The following SV2B variants were observed in gnomAD, a reference collection of about 807,000 sequenced individuals.
SV2B encodes solute carrier family 22 member B2.
SV2B carries 41 observed loss-of-function variants against 73.9 expected under a neutral mutation model. The observed-to-expected ratio is 0.56, with a 90% confidence interval of 0.43 to 0.72. The LOEUF (loss-of-function observed/expected upper bound fraction) is 0.72. Among genes scored for constraint, SV2B ranks in the 30% least tolerant of loss-of-function variants. SV2B has a pLI of 0.00. For synonymous variants in SV2B, 314 were observed against 314.2 expected (o/e 1.00, Z 0.01); for missense variants, 764 against 857.8 (o/e 0.89, Z 1.37).
rs763268034 is a variant in SV2B at position 91,226,422 on chromosome 15, C to A, written c.159C>A (p.Ile53=). The change falls in exon 2 of 13, where the codon ATC becomes ATA. Residue 53 remains isoleucine, a synonymous_variant. Coordinates refer to ENST00000394232, the MANE Select transcript of SV2B (RefSeq NM_001323032.3). ...TCTATGAGGGCGAGTACCAGGGTAT[C>A]CCTCACCCAGATGATGTCAAGGCCA... ...DEIYEGEYQG[I]PHPDDVKAKQ... 49 of 1,614,032 alleles carry A rather than the reference C, an allele frequency of 3.0e-5. 1 individual carries two copies. The South Asian group carries it at 5.2e-4, about 17-fold the overall frequency.
intron 1 of SV2B, among the ~76,000 whole-genome samples, chr15:91,200,873 T>C (rs898772054): frequency 6.6e-6 from 1 of 152,176 alleles, no homozygotes; most frequent in East Asian, 1.9e-4. Context: ...ATCGTGCCTC[T>C]GCACTCCAGC....
intron 1 of SV2B, among the ~76,000 whole-genome samples, chr15:91,167,056 G>C (rs939316418): frequency 6.6e-6 from 1 of 151,938 alleles, no homozygotes; most frequent in African/African-American, 2.4e-5. Context: ...CTCGTGATCC[G>C]CCTGCCTTGG....
rs1452641861 is a variant in SV2B, at chr15:91,261,698, A to C, written c.1008+1289A>C. On this transcript the variant is annotated intron_variant, in intron 6 of 12. Transcript: ENST00000394232. This position sits in a 1 kb window ranked among gnomAD's most constrained non-coding sequence, Gnocchi z 4.7. ...CAATCTACAATGCCACAGGCAATAG[A>C]GGACCCATTTCTTTACACCCTTACC... 3.3e-5 allele frequency among the ~76,000 whole-genome samples: 5 copies of C among 150,864 alleles called. No homozygotes were observed. Among genetic ancestry groups the C allele is most frequent in the Non-Finnish European group, 1.5e-5 (1 of 68,024 alleles).
Position 91,197,396 on chromosome 15 carries a change from A to G in SV2B, c.-391-28477A>G, listed in dbSNP as rs939482239. On this transcript the variant is annotated intron_variant, in intron 1 of 12. Coordinates refer to ENST00000394232, the MANE Select transcript of SV2B (RefSeq NM_001323032.3). This position sits in a 1 kb window ranked among gnomAD's most constrained non-coding sequence, Gnocchi z 4.9. The stretch of plus-strand genomic sequence containing the variant: ...GGGGTCCGCCACCACACCTGTTTTT[A>G]TATTTTTTGTAGAGATGGGGTTTCT... Among the ~76,000 whole-genome samples the G allele has an allele frequency of 4.0e-5, 6 of 151,320 alleles. No individual in the cohort carries two copies. The highest frequency in any genetic ancestry group is 7.4e-5 in the Non-Finnish European group (5 of 67,820).
intron 9 of SV2B, among the ~76,000 whole-genome samples, chr15:91,278,011 A>T (rs1055914882): frequency 1.1e-4 from 17 of 152,190 alleles, no homozygotes; most frequent in African/African-American, 3.9e-4. Context: ...TGCCAGACTC[A>T]CTGAGGCACA....
chr15:91,237,621 C>T (rs371669427), intron 2 of SV2B, among the ~76,000 whole-genome samples: 5 of 151,546 alleles, frequency 3.3e-5, no homozygotes, highest in South Asian at 2.1e-4. Flanking sequence ...TAGAGAACCA[C>T]GTAGTTTATA....
At chr15:91,172,496 C>T (rs1415095906) in intron 1 of SV2B, among the ~76,000 whole-genome samples, 1 of 152,230 alleles carries the variant, frequency 6.6e-6, no homozygotes, top group African/African-American at 2.4e-5. Context: ...TCTTCTTCTT[C>T]TGGCATATGG....
Position 91,231,337 on chromosome 15 carries a change from T to A in SV2B, c.451+4623T>A, listed in dbSNP as rs2046566832. Among the ~76,000 whole-genome samples, 1 of 152,088 alleles carries A rather than the reference T, an allele frequency of 6.6e-6. No individual in the cohort carries two copies. The highest frequency in any genetic ancestry group is 2.1e-4 in the South Asian group (1 of 4,818). On this transcript the variant is annotated intron_variant, in intron 2 of 12. Transcript: ENST00000394232. The surrounding 1 kb of genome is among the most constrained non-coding windows in gnomAD (Gnocchi z 4.5). ...AGATGGGGCCTGTGGTTTAGGGTGA[T>A]CACTCTGCCCCAGTGATTTTGGTAC...
In SV2B at chr15:91,226,316, G is replaced by A. The variant is rs1331902247; in HGVS notation, c.53G>A (p.Gly18Asp). 2 of 1,614,136 alleles carry A rather than the reference G, an allele frequency of 1.2e-6. No homozygotes were observed. Among genetic ancestry groups the A allele is most frequent in the Non-Finnish European group, 1.7e-6 (2 of 1,180,030 alleles). The change falls in exon 2 of 13, where the codon GGC (glycine) becomes GAC (aspartate). Residue 18 changes from glycine to aspartate, a missense_variant. Physicochemically the swap from Gly to Asp is moderately conservative, Grantham distance 94. Transcript: ENST00000394232. The stretch of plus-strand genomic sequence containing the variant: ...TATGGGGGCTATGCTCCCAGTGATG[G>A]CTATTACCGCGGCAATGAGTCCAAC... ...DNYGGYAPSD[G>D]YYRGNESNPE... is the part of the protein sequence containing the mutation.
At chr15:91,218,589 G>T (rs943766627) in intron 1 of SV2B, among the ~76,000 whole-genome samples, 5 of 152,112 alleles carry the variant, frequency 3.3e-5, no homozygotes, top group Admixed American at 2.0e-4. Flanking sequence ...ATATAAAATA[G>T]AATTACAATA....
At chr15:91,269,670 C>T (rs1484426080) in intron 9 of SV2B, among the ~76,000 whole-genome samples, 2 of 152,204 alleles carry the variant, frequency 1.3e-5, no homozygotes, top group Non-Finnish European at 2.9e-5. Context: ...ATACCTCTTT[C>T]AGTTTATTCT....
intron 1 of SV2B, among the ~76,000 whole-genome samples, chr15:91,120,859 A>C (rs1444285066): frequency 1.3e-5 from 2 of 151,922 alleles, no homozygotes; most frequent in African/African-American, 4.8e-5. Context: ...TTTCACTTAT[A>C]GAGAACTTAA....
intron 1 of SV2B, among the ~76,000 whole-genome samples, chr15:91,189,160 AT>A (rs927157545): frequency 1.1e-4 from 17 of 150,024 alleles, no homozygotes; most frequent in African/African-American, 2.0e-4. Context: ...TCCAAATGTC[AT>A]TTTTTTTTCC....
chr15:91,196,593 G>C (rs16945310), intron 1 of SV2B, among the ~76,000 whole-genome samples: 4,871 of 152,300 alleles, frequency 0.032, 245 homozygotes, highest in African/African-American at 0.11. Flanking sequence ...TTGACGCCAT[G>C]TTAGGAAATC....
chr15:91,191,540 T>G (rs1655799606), intron 1 of SV2B, among the ~76,000 whole-genome samples: 1 of 152,230 alleles, frequency 6.6e-6, no homozygotes, highest in Non-Finnish European at 1.5e-5. Flanking sequence ...TTCTACCCAC[T>G]GACCCCCTTG....
At chr15:91,257,323 A>G (rs373765925) in intron 4 of SV2B, among the ~76,000 whole-genome samples, 76 of 152,214 alleles carry the variant, frequency 5.0e-4, no homozygotes, top group African/African-American at 1.7e-3. Context: ...AAAACCCACC[A>G]GTGCAGTTCG....
intron 9 of SV2B, among the ~76,000 whole-genome samples, chr15:91,272,955 C>T (rs1051203713): frequency 1.6e-4 from 24 of 151,030 alleles, no homozygotes; most frequent in Admixed American, 1.5e-3. Flanking sequence ...GTGTCAGCCT[C>T]CTGAGTAGCT....
At position 91,236,957 on chromosome 15, in the gene SV2B, C is replaced by A. The variant is rs1349250832; in HGVS notation, c.451+10243C>A. On this transcript the variant is annotated intron_variant, in intron 2 of 12. Transcript: ENST00000394232. This position sits in a 1 kb window ranked among gnomAD's most constrained non-coding sequence, Gnocchi z 4.1. ...GGGTAGCTGGATTTTTTTTTTTAAC[C>A]TGTTGGCTTGGAAAGAGATCTTGAG... Among the ~76,000 whole-genome samples the A allele has an allele frequency of 6.6e-6, 1 of 151,308 alleles. No individual in the cohort carries two copies.
chr15:91,117,752 A>G, intron 1 of SV2B, among the ~76,000 whole-genome samples: 1 of 152,216 alleles, frequency 6.6e-6, no homozygotes, highest in East Asian at 1.9e-4. Flanking sequence ...GCGAAAGTAT[A>G]CTCTTCTCAC....
Sources: allele counts gnomAD v4.1 joint callset (sites outside exome capture counted in the v4.1 genomes callset), GRCh38; gene constraint gnomAD v4.1.1; non-coding constraint Gnocchi (gnomAD v3.1); transcripts MANE v1.5; gene names NCBI Gene and HGNC (gene_info 2026-07-23, HGNC 2026-07-21).